CNTNAP5: variants seen among roughly 807,000 people sequenced by gnomAD.
The protein encoded by CNTNAP5 is contactin associated protein family member 5, also known as contactin-associated protein-like 5.
CNTNAP5 carries 72 observed loss-of-function variants against 150.2 expected under a neutral mutation model. That is an observed-to-expected ratio of 0.48 (90% CI 0.40 to 0.58). The LOEUF is 0.58. CNTNAP5 is among the 20% of genes least tolerant of loss of function. CNTNAP5 has a pLI of 0.00. For synonymous variants in CNTNAP5, 672 were observed against 619.8 expected, an observed-to-expected ratio of 1.08 and a Z score of -1.25; for missense variants, 1,636 against 1,626.2, an observed-to-expected ratio of 1.01 and a Z score of -0.10.
At chr2:124,036,650 G>A (rs767372293) in intron 1 of CNTNAP5, among the ~76,000 whole-genome samples, 9 of 152,128 alleles carry the variant, frequency 5.9e-5, no homozygotes, top group Non-Finnish European at 1.0e-4. Flanking sequence ...GAACACTGGA[G>A]ATTAGAGATA....
intron 12 of CNTNAP5, among the ~76,000 whole-genome samples, chr2:124,635,470 C>A (rs1677952604): frequency 6.6e-6 from 1 of 152,082 alleles, no homozygotes; most frequent in Non-Finnish European, 1.5e-5. Context: ...AGAAGGGAAA[C>A]CGGAGGAAAG....
At chr2:124,077,497 A>G (rs1409235333) in intron 1 of CNTNAP5, among the ~76,000 whole-genome samples, 3 of 152,150 alleles carry the variant, frequency 2.0e-5, no homozygotes, top group Non-Finnish European at 4.4e-5. Flanking sequence ...GTGGCCCCAT[A>G]GCAGTGTCTG....
intron 3 of CNTNAP5, among the ~76,000 whole-genome samples, chr2:124,396,144 G>C (rs970714949): frequency 1.3e-5 from 2 of 152,210 alleles, no homozygotes; most frequent in African/African-American, 4.8e-5. Context: ...TGCAAGTCAA[G>C]CTAAGGAACT....
chr2:124,807,190 G>C (rs1163161481), intron 19 of CNTNAP5, among the ~76,000 whole-genome samples: 1 of 152,110 alleles, frequency 6.6e-6, no homozygotes, highest in African/African-American at 2.4e-5. Context: ...CAGCAAGGAG[G>C]CCTTGAATTA....
chr2:124,065,927 C>T (rs76959196), intron 1 of CNTNAP5, among the ~76,000 whole-genome samples: 2,030 of 152,212 alleles, frequency 0.013, 45 homozygotes, highest in African/African-American at 0.045. Context: ...TAAAAAAGGA[C>T]GATGTATTCA....
At chr2:124,289,454 A>G (rs2104632099) in intron 3 of CNTNAP5, among the ~76,000 whole-genome samples, 1 of 152,346 alleles carries the variant, frequency 6.6e-6, no homozygotes, top group South Asian at 2.1e-4. Flanking sequence ...AAGGGATATG[A>G]AAATGTATAA....
intron 1 of CNTNAP5, among the ~76,000 whole-genome samples, chr2:124,054,149 A>G (rs941192657): frequency 8.5e-5 from 13 of 152,134 alleles, no homozygotes; most frequent in African/African-American, 2.7e-4. Flanking sequence ...CAGAGGCCAA[A>G]AAATCCCTCA....
chr2:124,600,769 A>G lies in CNTNAP5; in HGVS notation c.1757-9032A>G, dbSNP rs10192577. Among the ~76,000 whole-genome samples, 934 of 101,448 alleles carry G rather than the reference A, an allele frequency of 9.2e-3. 11 individuals carry two copies. Among genetic ancestry groups the G allele is most frequent in the Middle Eastern group, 0.02 (4 of 198 alleles). 66.6% of individuals were successfully genotyped at this position (101,448 alleles called of 152,430 possible). The stretch of plus-strand genomic sequence containing the variant: ...AGAGAGAGAGAGAGAGAGAGAGAGA[A>G]AGAGAGAGAAAGAGAGAAGCAAAAA... On this transcript the variant is annotated intron_variant, in intron 11 of 23. Transcript: ENST00000682447.
At chr2:124,589,078 G>A (rs1387049775) in intron 11 of CNTNAP5, among the ~76,000 whole-genome samples, 2 of 152,050 alleles carry the variant, frequency 1.3e-5, no homozygotes, top group Admixed American at 1.3e-4. Context: ...AAGTGTACAG[G>A]TTAGTGGTTT....
At position 124,838,011 on chromosome 2, in the gene CNTNAP5, T is replaced by C. The variant is rs535020229; in HGVS notation, c.3218-27295T>C. On this transcript the variant is annotated intron_variant, in intron 19 of 23. Coordinates refer to ENST00000682447, the MANE Select transcript of CNTNAP5 (RefSeq NM_001367498.1). ...AGAATCATTTTAACAATGACAAAAATAATGACACAGAGGATCAAGCCTAAG... is the reference window on the plus strand; with the variant it reads ...AGAATCATTTTAACAATGACAAAAACAATGACACAGAGGATCAAGCCTAAG... Among the ~76,000 whole-genome samples, 53 of 152,176 alleles carry C rather than the reference T, an allele frequency of 3.5e-4. 1 individual carries two copies. The South Asian group carries it at 0.01, about 29-fold the overall frequency.
At chr2:124,081,945 A>G (rs1245269482) in intron 1 of CNTNAP5, among the ~76,000 whole-genome samples, 1 of 152,154 alleles carries the variant, frequency 6.6e-6, no homozygotes, top group Non-Finnish European at 1.5e-5. Flanking sequence ...TCAATACAAA[A>G]TCCCCTATAT....
chr2:124,601,082 A>G (rs1301744884), intron 11 of CNTNAP5, among the ~76,000 whole-genome samples: 1 of 152,178 alleles, frequency 6.6e-6, no homozygotes, highest in Non-Finnish European at 1.5e-5. Flanking sequence ...ACACTTGGTG[A>G]TTGCTCCTTC....
intron 3 of CNTNAP5, among the ~76,000 whole-genome samples, chr2:124,304,855 G>A (rs184401278): frequency 1.3e-5 from 2 of 152,166 alleles, no homozygotes; most frequent in East Asian, 1.9e-4. Context: ...GACCCTATGC[G>A]AGGCACTTGG....
intron 7 of CNTNAP5, among the ~76,000 whole-genome samples, chr2:124,482,069 C>T (rs1208483631): frequency 6.6e-6 from 1 of 152,208 alleles, no homozygotes; most frequent in South Asian, 2.1e-4. Flanking sequence ...AAAGTTGAAA[C>T]GACCTCAGAT....
Position 124,545,606 on chromosome 2 carries a change from C to T in CNTNAP5, c.1650-17611C>T, listed in dbSNP as rs200693677. Among the ~76,000 whole-genome samples, 5 of 152,198 alleles carry T rather than the reference C, an allele frequency of 3.3e-5. No individual in the cohort carries two copies. The East Asian group carries it at 9.7e-4, about 29-fold the overall frequency. On this transcript the variant is annotated intron_variant, in intron 10 of 23. Coordinates refer to ENST00000682447, the MANE Select transcript of CNTNAP5 (RefSeq NM_001367498.1). The stretch of plus-strand genomic sequence containing the variant: ...TCAGTTTGCTTGCATGAGTCATTAT[C>T]GTGGTGACTGTGGTCCTGGGAATCT...
intron 13 of CNTNAP5, among the ~76,000 whole-genome samples, chr2:124,675,017 G>A (rs1442739385): frequency 6.6e-6 from 1 of 151,920 alleles, no homozygotes; most frequent in Non-Finnish European, 1.5e-5. Flanking sequence ...TTGATCTTCT[G>A]CCTACTTCTA....
At chr2:124,084,822 T>C (rs1445575182) in intron 1 of CNTNAP5, among the ~76,000 whole-genome samples, 4 of 151,980 alleles carry the variant, frequency 2.6e-5, no homozygotes, top group African/African-American at 9.7e-5. Context: ...TTAGAATTGA[T>C]GTTAATTTAT....
chr2:124,631,383 A>G (rs1018632048), intron 12 of CNTNAP5, among the ~76,000 whole-genome samples: 2 of 152,216 alleles, frequency 1.3e-5, no homozygotes, highest in Non-Finnish European at 2.9e-5. Context: ...AGGCATATAG[A>G]CCAATGGAAC....
chr2:124,571,245 G>A (rs1696145721), intron 11 of CNTNAP5, among the ~76,000 whole-genome samples: 1 of 152,120 alleles, frequency 6.6e-6, no homozygotes, highest in Non-Finnish European at 1.5e-5. Flanking sequence ...TCTGGAGGGA[G>A]GTCCATAGGG....
Sources: allele counts gnomAD v4.1 joint callset (sites outside exome capture counted in the v4.1 genomes callset), GRCh38; gene constraint gnomAD v4.1.1; transcripts MANE v1.5; gene names NCBI Gene and HGNC (gene_info 2026-07-23, HGNC 2026-07-21).